The following NEDD4L variants were observed in gnomAD, a reference collection of about 807,000 sequenced individuals.
The protein encoded by NEDD4L is E3 ubiquitin-protein ligase NEDD4-like.
Under a neutral mutation model 148.9 loss-of-function variants are expected in NEDD4L, and 54 were observed. The observed-to-expected ratio is 0.36, with a 90% confidence interval of 0.29 to 0.45. The LOEUF (loss-of-function observed/expected upper bound fraction) is 0.45. Among genes scored for constraint, NEDD4L ranks in the 20% least tolerant of loss-of-function variants. The pLI is 1.00. For missense variants in NEDD4L, 856 were observed against 1,233.8 expected, an observed-to-expected ratio of 0.69 and a Z score of 4.59; for synonymous variants, 433 against 440.7, an observed-to-expected ratio of 0.98 and a Z score of 0.22.
rs998016608 is a variant in NEDD4L, at chr18:58,154,309, AAG to A, written c.49-11471_49-11470del. ...CTCTTTGGGGTAAAATTCGATTTCA[AAG>A]AGAGAGAACTGTGGGGTGAGAAAGG... On this transcript the variant is annotated intron_variant, in intron 1 of 30. Transcript: ENST00000400345. Among the ~76,000 whole-genome samples the A allele has an allele frequency of 1.1e-4, 16 of 152,262 alleles. No individual in the cohort carries two copies. The South Asian group carries it at 2.1e-3, about 20-fold the overall frequency.
At chr18:58,287,071 G>A (rs898593706) in intron 5 of NEDD4L, among the ~76,000 whole-genome samples, 4 of 151,752 alleles carry the variant, frequency 2.6e-5, no homozygotes, top group Admixed American at 2.6e-4. Flanking sequence ...AACTAGGAGA[G>A]CTGTTTTAAA....
chr18:58,214,341 T>C (rs2042913826), intron 2 of NEDD4L, among the ~76,000 whole-genome samples: 1 of 152,216 alleles, frequency 6.6e-6, no homozygotes, highest in Non-Finnish European at 1.5e-5. Flanking sequence ...ATACTGTGTC[T>C]TATTTTCCCA....
At chr18:58,362,086 C>T (rs1291746991) in intron 19 of NEDD4L, among the ~76,000 whole-genome samples, 1 of 152,180 alleles carries the variant, frequency 6.6e-6, no homozygotes. Flanking sequence ...CATCATTCCC[C>T]AGAAGGAGAA....
chr18:58,171,693 G>C (rs2037526428), intron 2 of NEDD4L, among the ~76,000 whole-genome samples: 1 of 152,240 alleles, frequency 6.6e-6, no homozygotes, highest in Non-Finnish European at 1.5e-5. Context: ...TGGAGGAAGG[G>C]GTACTTTTTT....
intron 5 of NEDD4L, among the ~76,000 whole-genome samples, chr18:58,277,875 A>G (rs1194761625): frequency 6.6e-6 from 1 of 152,164 alleles, no homozygotes; most frequent in Non-Finnish European, 1.5e-5. Context: ...TAATATCATA[A>G]CAGGTTGGAC....
At chr18:58,195,660 A>G (rs1244503109) in intron 2 of NEDD4L, 1 of 1,351,862 alleles carries the variant, frequency 7.4e-7, no homozygotes. Flanking sequence ...GTTAGGGGAA[A>G]CAGACCATCT....
At chr18:58,156,107 C>G (rs1385886738) in intron 1 of NEDD4L, among the ~76,000 whole-genome samples, 2 of 152,174 alleles carry the variant, frequency 1.3e-5, no homozygotes, top group Admixed American at 1.3e-4. Context: ...CTCCTTGAAC[C>G]AGAACCTCTT....
At chr18:58,248,279 T>G (rs931395144) in intron 3 of NEDD4L, among the ~76,000 whole-genome samples, 6 of 152,200 alleles carry the variant, frequency 3.9e-5, no homozygotes, top group Non-Finnish European at 8.8e-5. Flanking sequence ...GAGATGTACA[T>G]TTAAGTAGAC....
chr18:58,178,961 A>G (rs2038499168), intron 2 of NEDD4L, among the ~76,000 whole-genome samples: 1 of 152,162 alleles, frequency 6.6e-6, no homozygotes, highest in African/African-American at 2.4e-5. Context: ...AAACTAGGCT[A>G]GTCTTACAGC....
chr18:58,234,045 T>C (rs945553887), intron 2 of NEDD4L, among the ~76,000 whole-genome samples: 27 of 117,874 alleles, frequency 2.3e-4, no homozygotes, highest in Non-Finnish European at 2.3e-4. Flanking sequence ...ATTTCTTTCC[T>C]TTTCTTTCTT....
chr18:58,099,271 T>C (rs910037820), intron 1 of NEDD4L, among the ~76,000 whole-genome samples: 11 of 152,206 alleles, frequency 7.2e-5, no homozygotes, highest in Non-Finnish European at 7.4e-5. Flanking sequence ...CCTGAAGTCC[T>C]GGGCTCAAGC....
chr18:58,369,892 T>C (rs762146853), intron 22 of NEDD4L, among the ~76,000 whole-genome samples: 1 of 152,212 alleles, frequency 6.6e-6, no homozygotes, highest in Non-Finnish European at 1.5e-5. Flanking sequence ...TTTCTCCCCA[T>C]CGCTGCCCAA....
intron 1 of NEDD4L, among the ~76,000 whole-genome samples, chr18:58,161,039 C>A (rs1308015964): frequency 1.3e-5 from 2 of 151,408 alleles, no homozygotes. Flanking sequence ...TTCTTTGAGA[C>A]AGGGTCTCAC....
chr18:58,214,935 C>T (rs1037048262), intron 2 of NEDD4L, among the ~76,000 whole-genome samples: 8 of 151,716 alleles, frequency 5.3e-5, no homozygotes, highest in African/African-American at 1.7e-4. Context: ...CCTCAGCCTC[C>T]CGAGTAGCTG....
intron 1 of NEDD4L, among the ~76,000 whole-genome samples, chr18:58,134,298 G>GCC (rs988623983): frequency 6.6e-6 from 1 of 152,004 alleles, no homozygotes; most frequent in African/African-American, 2.4e-5. Context: ...ACCGCACCTG[G>GCC]CCTAATATTC....
At position 58,264,468 on chromosome 18, in the gene NEDD4L, G is replaced by C. The variant is rs531634786; in HGVS notation, c.297+12414G>C. 7.0e-4 allele frequency among the ~76,000 whole-genome samples: 107 copies of C among 152,146 alleles called. 1 individual carries two copies. Among genetic ancestry groups the C allele is most frequent in the Non-Finnish European group, 1.4e-3 (98 of 67,966 alleles). ...CCAGTTCCTTTAATTTTAAAGATGA[G>C]GAAAGTGAGAACTTTCCTTTTTAAA... is the stretch of plus-strand genomic sequence containing the variant. On this transcript the variant is annotated intron_variant, in intron 5 of 30. Coordinates refer to ENST00000400345, the MANE Select transcript of NEDD4L (RefSeq NM_001144967.3).
At chr18:58,192,350 G>A (rs1425616786) in intron 2 of NEDD4L, among the ~76,000 whole-genome samples, 2 of 152,180 alleles carry the variant, frequency 1.3e-5, no homozygotes, top group Admixed American at 1.3e-4. Context: ...CTGTGTGTAA[G>A]GTGCCATCGT....
At chr18:58,362,149 A>G (rs1266780279) in intron 19 of NEDD4L, among the ~76,000 whole-genome samples, 1 of 152,234 alleles carries the variant, frequency 6.6e-6, no homozygotes, top group Non-Finnish European at 1.5e-5. Context: ...CCCTGCCAGG[A>G]GACAGAGCAG....
chr18:58,190,925 ACG>A (rs2040036155), intron 2 of NEDD4L, among the ~76,000 whole-genome samples: 1 of 152,164 alleles, frequency 6.6e-6, no homozygotes, highest in African/African-American at 2.4e-5. Flanking sequence ...ATAGCGAGTG[ACG>A]TAGTGAGACC....
Sources: gnomAD v4.1 joint callset for allele counts (sites outside exome capture counted in the v4.1 genomes callset) on GRCh38, gnomAD v4.1.1 for gene constraint, MANE v1.5 for transcripts, NCBI Gene and HGNC (gene_info 2026-07-23, HGNC 2026-07-21) for gene names.